SECISBP2: variants seen among roughly 807,000 people sequenced by gnomAD.
The protein encoded by SECISBP2 is SECIS binding protein 2.
Under a neutral mutation model 98.2 loss-of-function variants are expected in SECISBP2, and 96 were observed. That is an observed-to-expected ratio of 0.98 (90% CI 0.83 to 1.16). The LOEUF (loss-of-function observed/expected upper bound fraction) is 1.16. Among genes scored for constraint, SECISBP2 ranks in the 50% most tolerant of loss-of-function variants. The pLI, the probability that SECISBP2 is intolerant of heterozygous loss-of-function variation, is 0.00. For synonymous variants in SECISBP2, 407 were observed against 370.2 expected, an observed-to-expected ratio of 1.10 and a Z score of -1.14; for missense variants, 1,046 against 1,022.9, an observed-to-expected ratio of 1.02 and a Z score of -0.31.
At chr9:89,356,999 T>G (rs1588023405) in intron 14 of SECISBP2, 1 of 312,590 alleles carries the variant, frequency 3.2e-6, no homozygotes. Context: ...GAGTAGAGGG[T>G]GGTGAGCCCT....
intron 4 of SECISBP2, 127 bp from the exon 5 acceptor site, chr9:89,328,533 T>TA (rs555960792): frequency 6.4e-5 from 47 of 729,312 alleles, no homozygotes; most frequent in Admixed American, 1.8e-4. Flanking sequence ...CGGTAAGAGT[T>TA]ACGGTGTTTT....
intron 1 of SECISBP2, 157 bp downstream of exon 1, chr9:89,318,769 C>G: frequency 8.0e-7 from 1 of 1,246,478 alleles, no homozygotes; most frequent in Non-Finnish European, 1.0e-6. Context: ...ATCTTCGCGC[C>G]CCGCCTCGGG....
rs561880242 is a variant in SECISBP2, at chr9:89,328,601, A to C, written c.575-59A>C. ...TTTGTACTCTGCAATTTTTGCTTGC[A>C]TACTGGTCATCAAACAGTAACTAAA... is the stretch of plus-strand genomic sequence containing the variant. On this transcript the variant is annotated intron_variant, in intron 4 of 16. Transcript: ENST00000375807. 2.6e-5 allele frequency: 37 copies of C among 1,410,192 alleles called. No individual in the cohort carries two copies. The African/African-American group carries it at 5.0e-4, about 19-fold the overall frequency. 87.4% of individuals were successfully genotyped at this position (1,410,192 alleles called of 1,614,324 possible).
chr9:89,330,497 T>A (rs962767550), intron 5 of SECISBP2: 2 of 152,280 alleles, frequency 1.3e-5, no homozygotes, highest in Admixed American at 6.5e-5. Flanking sequence ...AAAGGATTTG[T>A]TTCCTGCCCT....
chr9:89,338,650 C>A, intron 8 of SECISBP2, 70 bp downstream of exon 8: 2 of 1,502,490 alleles, frequency 1.3e-6, no homozygotes, highest in South Asian at 1.2e-5. Flanking sequence ...AACTTGGGTT[C>A]ATATTGGTTT....
intron 7 of SECISBP2, among the ~76,000 whole-genome samples, chr9:89,336,108 T>TTTTTTTTTTTTTTTTTTTTTTTTTTC (rs1554720204): frequency 7.5e-6 from 1 of 133,570 alleles, no homozygotes; most frequent in Non-Finnish European, 1.6e-5. Context: ...TTTTTTTTTT[T>TTTTTTTTTTTTTTTTTTTTTTTTTTC]CACTGCAGCT....
chr9:89,355,464 G>T, intron 14 of SECISBP2: 1 of 958,320 alleles, frequency 1.0e-6, no homozygotes, highest in Non-Finnish European at 1.2e-6. Flanking sequence ...TCTGTGAATT[G>T]TTCATATTTG....
rs368034404 is a variant in SECISBP2 at position 89,342,181 on chromosome 9, TACTC to T, written c.1435+704_1435+707del. Reference sequence around the variant, plus strand: ...AGTGGTCAATAAGTGCGTGAAAAGATACTCAATATCATTAGTCATCAGGGAAATA... The same window carrying T: ...AGTGGTCAATAAGTGCGTGAAAAGATAATATCATTAGTCATCAGGGAAATA... On this transcript the variant is annotated intron_variant, in intron 10 of 16. Transcript: ENST00000375807. Among the ~76,000 whole-genome samples, 40 of 152,366 alleles carry T rather than the reference TACTC, an allele frequency of 2.6e-4. No homozygotes were observed. The East Asian group carries it at 6.0e-3, about 23-fold the overall frequency.
At chr9:89,328,218 CATGTACTATACTTTT>C (rs779545744) in intron 4 of SECISBP2, among the ~76,000 whole-genome samples, 1 of 152,190 alleles carries the variant, frequency 6.6e-6, no homozygotes, top group Non-Finnish European at 1.5e-5. Context: ...TACATCATCG[CATGTACTATACTTTT>C]ATATGCCTGT....
chr9:89,335,128 A>G (rs138023951), intron 7 of SECISBP2, among the ~76,000 whole-genome samples: 8,735 of 151,598 alleles, frequency 0.058, 363 homozygotes, highest in Middle Eastern at 0.12. Context: ...AGACAGGAGA[A>G]TGGCATGAAC....
rs1830713299 is a variant in SECISBP2 at position 89,348,158 on chromosome 9, C to T, written c.1682C>T (p.Thr561Ile). 1.2e-6 allele frequency: 2 copies of T among 1,614,160 alleles called. No homozygotes were observed. The highest frequency in any genetic ancestry group is 1.7e-6 in the Non-Finnish European group (2 of 1,179,992). ...AVSPAFTSDD[T>I]QDGESGGDDQ... ...AGTCCAGCTTTTACCAGTGATGACA[C>T]ACAAGATGGAGAGAGTGGTGGTGAT... The change falls in exon 12 of 17, where the codon ACA becomes ATA. Residue 561 changes from threonine (T) to isoleucine (I), a missense_variant. By Grantham distance (89) the Thr-to-Ile change is moderately conservative. Coordinates refer to ENST00000375807, the MANE Select transcript of SECISBP2 (RefSeq NM_024077.5).
At chr9:89,353,034 A>C (rs1422283726) in intron 14 of SECISBP2, among the ~76,000 whole-genome samples, 1 of 152,114 alleles carries the variant, frequency 6.6e-6, no homozygotes, top group Non-Finnish European at 1.5e-5. Context: ...AGAGCCACTA[A>C]GTAGCCGACT....
At position 89,348,807 on chromosome 9, in the gene SECISBP2, G is replaced by A. The variant is rs112802735; in HGVS notation, c.1738+593G>A. On this transcript the variant is annotated intron_variant, in intron 12 of 16. Transcript: ENST00000375807. ...GCTCTAGTGCAACTGTGTGTTACGT[G>A]CTGCTCTCTTTGTCCCCTTTCCTTC... is the stretch of plus-strand genomic sequence containing the variant. Among the ~76,000 whole-genome samples, 1,051 of 152,364 alleles carry A rather than the reference G, an allele frequency of 6.9e-3. 15 individuals are homozygous for A. Among genetic ancestry groups the A allele is most frequent in the African/African-American group, 0.024 (996 of 41,584 alleles).
At chr9:89,356,354 G>A (rs1348114398) in intron 14 of SECISBP2, among the ~76,000 whole-genome samples, 1 of 152,196 alleles carries the variant, frequency 6.6e-6, no homozygotes, top group African/African-American at 2.4e-5. Flanking sequence ...AAAAAGATTG[G>A]GGACCGCTGT....
chr9:89,325,928 ATCAGC>A lies in SECISBP2; in HGVS notation c.465_469del (p.Asp155GlufsTer4). 6.2e-7 allele frequency: 1 copy of A among 1,614,076 alleles called. No homozygotes were observed. Among genetic ancestry groups the A allele is most frequent in the Non-Finnish European group, 8.5e-7 (1 of 1,180,016 alleles). The stretch of plus-strand genomic sequence containing the variant: ...ACCTATGATGAGAAAAAAACGTATG[ATCAGC>A]AAAAGTTTGACAGTGAAAGGGCTGA... On this transcript the variant is annotated frameshift_variant, in exon 4 of 17. Transcript: ENST00000375807. LOFTEE classifies it high-confidence loss of function.
Position 89,347,010 on chromosome 9 carries a change from G to A in SECISBP2, c.1564G>A (p.Glu522Lys). The part of the protein sequence containing the change: ...APLMKKGKQR[E>K]IPKAKKPTSL... ...ACTGATGAAGAAAGGGAAGCAGAGG[G>A]AGATCCCCAAGGCCAAGAAGCCAAC... Residue 522 changes from glutamate to lysine, a missense_variant, in exon 11 of 17, where the codon GAG (glutamate) becomes AAG (lysine). By Grantham distance (56) the Glu-to-Lys change is moderately conservative. Transcript: ENST00000375807. 1 of 1,614,206 alleles carries A rather than the reference G, an allele frequency of 6.2e-7. No homozygotes were observed. Among genetic ancestry groups the A allele is most frequent in the Non-Finnish European group, 8.5e-7 (1 of 1,180,030 alleles).
intron 7 of SECISBP2, among the ~76,000 whole-genome samples, chr9:89,336,382 CTTT>C (rs796914325): frequency 6.8e-6 from 1 of 146,530 alleles, no homozygotes; most frequent in Non-Finnish European, 1.5e-5. Context: ...CTTCAAGAGC[CTTT>C]TTTTTTTATT....
chr9:89,356,228 G>C (rs1018371476), intron 14 of SECISBP2, among the ~76,000 whole-genome samples: 1 of 152,212 alleles, frequency 6.6e-6, no homozygotes, highest in African/African-American at 2.4e-5. Context: ...TAGGTTGCCT[G>C]CTCCTTATGA....
At chr9:89,354,998 T>A (rs2132053881) in intron 14 of SECISBP2, 1 of 985,416 alleles carries the variant, frequency 1.0e-6, no homozygotes, top group African/African-American at 1.7e-5. Context: ...TCTTCAAAGT[T>A]TCTATCCCAG....
Sources: gnomAD v4.1 joint callset for allele counts (sites outside exome capture counted in the v4.1 genomes callset) on GRCh38, gnomAD v4.1.1 for gene constraint, MANE v1.5 for transcripts, NCBI Gene and HGNC (gene_info 2026-07-23, HGNC 2026-07-21) for gene names.